Variants in SYT7 observed in about 807,000 individuals in gnomAD.
SYT7 encodes the protein synaptotagmin-7.
In SYT7, 29 loss-of-function variants were observed where a neutral mutation model predicts 75.1. The ratio of observed to expected loss-of-function variants is 0.39; its 90% confidence interval spans 0.29 to 0.53. The LOEUF (loss-of-function observed/expected upper bound fraction) is 0.53, where lower values mean the gene tolerates loss of function less well. Ranked by LOEUF, SYT7 falls within the 20% of genes least tolerant of loss-of-function variation. The pLI is 0.77. For synonymous variants in SYT7, 376 were observed against 401.7 expected (o/e 0.94, Z 0.76); for missense variants, 693 against 953.2 (o/e 0.73, Z 3.59).
intron 7 of SYT7, chr11:61,533,335 C>T (rs113866251): frequency 3.6e-4 from 351 of 985,412 alleles, no homozygotes; most frequent in Admixed American, 2.0e-3. Flanking sequence ...CTACCCCAGG[C>T]GACTGTGGCT....
chr11:61,588,339 A>C, the SYT7 span, among the ~76,000 whole-genome samples: 1 of 152,188 alleles, frequency 6.6e-6, no homozygotes, highest in African/African-American at 2.4e-5. Context: ...TATCCCGCTT[A>C]ATAGTCACAG....
intron 3 of SYT7, among the ~76,000 whole-genome samples, chr11:61,549,382 C>T (rs2063283791): frequency 6.6e-6 from 1 of 152,196 alleles, no homozygotes; most frequent in Admixed American, 6.5e-5. Flanking sequence ...AAGAGGGAGA[C>T]AGAGTGTGCA....
At chr11:61,544,267 G>A (rs779577839) in intron 5 of SYT7, among the ~76,000 whole-genome samples, 8 of 152,214 alleles carry the variant, frequency 5.3e-5, no homozygotes, top group Admixed American at 2.0e-4. Context: ...CTTCACCACC[G>A]CAACCAGACC....
chr11:61,534,227 T>A (rs60294838), intron 7 of SYT7, among the ~76,000 whole-genome samples: 4,945 of 152,248 alleles, frequency 0.032, 246 homozygotes, highest in African/African-American at 0.11. Flanking sequence ...AGCCACACGC[T>A]GAGGGTGGAC....
chr11:61,548,112 T>TCACC (rs2063244676), intron 3 of SYT7, among the ~76,000 whole-genome samples: 1 of 152,196 alleles, frequency 6.6e-6, no homozygotes, highest in South Asian at 2.1e-4. Context: ...GGCAGCTGGG[T>TCACC]CACCCCACTC....
At chr11:61,561,938 A>T (rs2063645593) in intron 1 of SYT7, among the ~76,000 whole-genome samples, 1 of 151,920 alleles carries the variant, frequency 6.6e-6, no homozygotes, top group African/African-American at 2.4e-5. Flanking sequence ...AAGAGAAGAG[A>T]TGGGAGAGGC....
At position 61,551,641 on chromosome 11, in the gene SYT7, C is replaced by T. The variant is rs994856645; in HGVS notation, c.136-178G>A. Among the ~76,000 whole-genome samples, 8 of 152,156 alleles carry T rather than the reference C, an allele frequency of 5.3e-5. No homozygotes were observed. Among genetic ancestry groups the T allele is most frequent in the Non-Finnish European group, 1.0e-4 (7 of 68,000 alleles). On this transcript the variant is annotated intron_variant, in intron 2 of 12. Coordinates refer to ENST00000539008, the MANE Select transcript of SYT7 (RefSeq NM_001365809.2). The surrounding 1 kb of genome is among the most constrained non-coding windows in gnomAD (Gnocchi z 5.3). The stretch of plus-strand genomic sequence containing the variant: ...GCCAATCCCCTGGATGCCTGCTCCC[C>T]GGTTGGCAGCTCCTGGGCCCCATCG...
At chr11:61,588,112 T>C in the SYT7 span, among the ~76,000 whole-genome samples, 1 of 152,114 alleles carries the variant, frequency 6.6e-6, no homozygotes, top group South Asian at 2.1e-4. Flanking sequence ...CTCAGGAGGA[T>C]GACGGGAGGG....
At chr11:61,540,761 G>A (rs905457298) in intron 6 of SYT7, 4 of 985,424 alleles carry the variant, frequency 4.1e-6, no homozygotes, top group Non-Finnish European at 4.8e-6. Context: ...GAGCAAGGAC[G>A]TGCAGGGGCC....
At chr11:61,530,732 G>T in intron 8 of SYT7, 1 of 924,236 alleles carries the variant, frequency 1.1e-6, no homozygotes, top group Non-Finnish European at 1.3e-6. Flanking sequence ...AAACAGTGTG[G>T]TCTTGGGAAG....
At chr11:61,578,945 C>T (rs1011782484) in intron 1 of SYT7, among the ~76,000 whole-genome samples, 4 of 152,206 alleles carry the variant, frequency 2.6e-5, no homozygotes, top group African/African-American at 9.7e-5. Flanking sequence ...TGAGGGCTGC[C>T]AGCACACCAG....
At chr11:61,550,176 C>T (rs867148143) in intron 3 of SYT7, among the ~76,000 whole-genome samples, 2 of 152,284 alleles carry the variant, frequency 1.3e-5, no homozygotes, top group African/African-American at 2.4e-5. Context: ...GCCTCCCGCC[C>T]TCCCCTAGCC....
At position 61,522,509 on chromosome 11, in the gene SYT7, A is replaced by G. The variant is rs140432422; in HGVS notation, c.1956+566T>C. On this transcript the variant is annotated intron_variant, in intron 12 of 12. Transcript: ENST00000539008. Reference sequence around the variant, plus strand: ...CCGGCCAACTTTCTACAAGAAGAACATCCACATACCTCAAGCAATTCTTAC... The same window carrying G: ...CCGGCCAACTTTCTACAAGAAGAACGTCCACATACCTCAAGCAATTCTTAC... 4.5e-3 allele frequency among the ~76,000 whole-genome samples: 685 copies of G among 152,222 alleles called. 5 individuals are homozygous for G. The highest frequency in any genetic ancestry group is 0.016 in the African/African-American group (654 of 41,522).
intron 1 of SYT7, among the ~76,000 whole-genome samples, chr11:61,578,539 G>A (rs1339050460): frequency 6.6e-6 from 1 of 152,122 alleles, no homozygotes; most frequent in African/African-American, 2.4e-5. Context: ...AAGGGGAGAT[G>A]GGGAGGCAGA....
rs2062179640 is a variant in SYT7 at position 61,517,564 on chromosome 11, G to C, written c.*1063C>G. The C allele has an allele frequency of 2.5e-6, 1 of 399,740 alleles. No homozygotes were observed. Among genetic ancestry groups the C allele is most frequent in the South Asian group, 1.2e-4 (1 of 8,004 alleles). The allele number at this position is 399,740 out of a possible 1,614,324, so 24.8% of individuals were successfully genotyped here. A position where few individuals can be genotyped will look rare whatever the true frequency, so the allele number is the denominator to read the frequency against. Reference sequence around the variant, plus strand: ...GAAGGGTGGAGGTCTGCACAGGCAGGGAGAGATGAGGAAGGGCAGGCAAGC... The same window carrying C: ...GAAGGGTGGAGGTCTGCACAGGCAGCGAGAGATGAGGAAGGGCAGGCAAGC... On this transcript the variant is annotated 3_prime_UTR_variant, in exon 13 of 13. Coordinates refer to ENST00000539008, the MANE Select transcript of SYT7 (RefSeq NM_001365809.2).
In SYT7 at chr11:61,517,328, G is replaced by C. The variant is rs1282425623; in HGVS notation, c.*1299C>G. ...AGCTTCTTTGTGTGTGGCAACCTCA[G>C]AACTCACAGAATCCTGGTCTTTTCC... On this transcript the variant is annotated 3_prime_UTR_variant, in exon 13 of 13. Coordinates refer to ENST00000539008, the MANE Select transcript of SYT7 (RefSeq NM_001365809.2). 1 of 398,546 alleles carries C rather than the reference G, an allele frequency of 2.5e-6. No homozygotes were observed. The allele number at this position is 398,546 out of a possible 1,614,324, so 24.7% of individuals were successfully genotyped here.
At chr11:61,555,506 G>A (rs2063474208) in intron 2 of SYT7, among the ~76,000 whole-genome samples, 1 of 152,208 alleles carries the variant, frequency 6.6e-6, no homozygotes, top group Admixed American at 6.5e-5. Flanking sequence ...CCCTCCTGAC[G>A]GTCTCTTTAC....
chr11:61,575,981 C>T (rs945790087), intron 1 of SYT7, among the ~76,000 whole-genome samples: 1 of 152,208 alleles, frequency 6.6e-6, no homozygotes, highest in Non-Finnish European at 1.5e-5. Flanking sequence ...AATACCTCAG[C>T]TCCCGGTCCA....
chr11:61,526,549 G>A (rs929893923), intron 9 of SYT7: 2 of 152,328 alleles, frequency 1.3e-5, no homozygotes, highest in Admixed American at 6.5e-5. Context: ...GTCTCCATTA[G>A]GCCAGAAATG....
Sources: gnomAD v4.1 joint callset for allele counts (sites outside exome capture counted in the v4.1 genomes callset) on GRCh38, gnomAD v4.1.1 for gene constraint, Gnocchi (gnomAD v3.1) non-coding constraint, MANE v1.5 for transcripts, NCBI Gene and HGNC (gene_info 2026-07-23, HGNC 2026-07-21) for gene names.